The following PUM1 variants were observed in gnomAD, a reference collection of about 807,000 sequenced individuals.
The protein encoded by PUM1 is pumilio RNA binding family member 1.
PUM1 carries 13 observed loss-of-function variants against 131.8 expected under a neutral mutation model. That is an observed-to-expected ratio of 0.10 (90% CI 0.06 to 0.16). The LOEUF (loss-of-function observed/expected upper bound fraction) is 0.16. Ranked by LOEUF, PUM1 falls within the 10% of genes least tolerant of loss-of-function variation. PUM1 has a pLI of 1.00. For missense variants in PUM1, 961 were observed against 1,512.4 expected (o/e 0.64, Z 6.05); for synonymous variants, 509 against 556.5 (o/e 0.91, Z 1.20).
At chr1:31,053,303 A>G (rs2124592967) in intron 2 of PUM1, among the ~76,000 whole-genome samples, 1 of 149,864 alleles carries the variant, frequency 6.7e-6, no homozygotes, top group Middle Eastern at 3.4e-3. Flanking sequence ...CCCAGTCCAC[A>G]TTATCTTAAT....
intron 14 of PUM1, among the ~76,000 whole-genome samples, chr1:30,957,477 T>C (rs571522632): frequency 2.0e-5 from 3 of 152,226 alleles, no homozygotes; most frequent in Non-Finnish European, 4.4e-5. Flanking sequence ...TGCAACACTC[T>C]GGAAGTGTTT....
chr1:31,021,881 T>C (rs1442289539), intron 3 of PUM1, among the ~76,000 whole-genome samples: 2 of 152,116 alleles, frequency 1.3e-5, no homozygotes, highest in East Asian at 1.9e-4. Flanking sequence ...ATTTGAGTTA[T>C]AAGAGATCTG....
At chr1:31,034,233 C>T (rs534275938) in intron 2 of PUM1, among the ~76,000 whole-genome samples, 1 of 152,244 alleles carries the variant, frequency 6.6e-6, no homozygotes, top group Admixed American at 6.5e-5. Context: ...TTACAATGAA[C>T]GTCCCTTTAC....
In PUM1 at chr1:30,952,224, A is replaced by G; in HGVS notation, c.2721+10T>C. ...TCTTAAGTCAAAGGATAGAAAGAAC[A>G]AAGGCTTACTTCAAAGAACTTCTGA... On this transcript the variant is annotated intron_variant, in intron 16 of 21. Coordinates refer to ENST00000426105, the MANE Select transcript of PUM1 (RefSeq NM_001020658.2). 1 of 1,613,408 alleles carries G rather than the reference A, an allele frequency of 6.2e-7. No individual in the cohort carries two copies.
intron 9 of PUM1, among the ~76,000 whole-genome samples, chr1:30,978,831 G>A (rs1641243797): frequency 6.6e-6 from 1 of 152,150 alleles, no homozygotes; most frequent in Non-Finnish European, 1.5e-5. Flanking sequence ...GGGCACAGTG[G>A]CTCATGCCTG....
At chr1:31,033,611 C>G (rs1643512116) in intron 2 of PUM1, among the ~76,000 whole-genome samples, 1 of 152,088 alleles carries the variant, frequency 6.6e-6, no homozygotes, top group South Asian at 2.1e-4. Flanking sequence ...AGTGATCCAT[C>G]CAGCATGGCC....
intron 14 of PUM1, among the ~76,000 whole-genome samples, chr1:30,958,251 C>T (rs1236349733): frequency 6.6e-6 from 1 of 152,092 alleles, no homozygotes; most frequent in Non-Finnish European, 1.5e-5. Flanking sequence ...ACTTCTATCA[C>T]AATAATAAAA....
At chr1:30,962,465 C>T (rs578218345) in intron 14 of PUM1, among the ~76,000 whole-genome samples, 10 of 152,172 alleles carry the variant, frequency 6.6e-5, no homozygotes, top group East Asian at 1.9e-4. Flanking sequence ...CAGGCTGGAG[C>T]GCAGTGGCAC....
chr1:30,951,720 T>A (rs1639943048), intron 16 of PUM1, among the ~76,000 whole-genome samples: 1 of 152,176 alleles, frequency 6.6e-6, no homozygotes, highest in South Asian at 2.1e-4. Flanking sequence ...AAGTGAACAT[T>A]ATTCAAATTA....
intron 3 of PUM1, among the ~76,000 whole-genome samples, chr1:31,027,088 T>C (rs1358988401): frequency 1.3e-5 from 2 of 152,206 alleles, no homozygotes; most frequent in South Asian, 2.1e-4. Flanking sequence ...TCAGTGATTA[T>C]AAACTGTTGC....
At chr1:31,004,315 C>T (rs1642322274) in intron 5 of PUM1, among the ~76,000 whole-genome samples, 1 of 152,270 alleles carries the variant, frequency 6.6e-6, no homozygotes, top group Non-Finnish European at 1.5e-5. Flanking sequence ...CTGGTTAGTG[C>T]CCAAGAATTA....
intron 20 of PUM1, among the ~76,000 whole-genome samples, chr1:30,937,891 C>A (rs1570075916): frequency 1.3e-5 from 2 of 152,034 alleles, no homozygotes; most frequent in Non-Finnish European, 2.9e-5. Flanking sequence ...CCTGCCTCAG[C>A]CTCCCGAGCA....
In PUM1 at chr1:30,953,999, G is replaced by A. The variant is rs768655313; in HGVS notation, c.2324-18C>T. 21 of 1,609,380 alleles carry A rather than the reference G, an allele frequency of 1.3e-5. No homozygotes were observed. The highest frequency in any genetic ancestry group is 1.6e-5 in the Non-Finnish European group (19 of 1,176,740). ...GAGTCCTCCTGTTGGTTACAGAACA[G>A]GATAACTTAAGACCACTCTTCAGCA... On this transcript the variant is annotated intron_variant, in intron 14 of 21. Coordinates refer to ENST00000426105, the MANE Select transcript of PUM1 (RefSeq NM_001020658.2).
chr1:30,960,053 G>C (rs1475329870), intron 14 of PUM1, among the ~76,000 whole-genome samples: 2 of 152,100 alleles, frequency 1.3e-5, no homozygotes. Context: ...ATGCTTAATG[G>C]TAAAAGACAA....
At chr1:30,954,299 C>T (rs1640062938) in intron 14 of PUM1, among the ~76,000 whole-genome samples, 1 of 152,146 alleles carries the variant, frequency 6.6e-6, no homozygotes, top group African/African-American at 2.4e-5. Context: ...GAACCTAGCA[C>T]CTGAGCACCA....
At chr1:31,039,483 A>G (rs1643749446) in intron 2 of PUM1, among the ~76,000 whole-genome samples, 1 of 152,112 alleles carries the variant, frequency 6.6e-6, no homozygotes, top group Non-Finnish European at 1.5e-5. Flanking sequence ...TCAGCCTTCC[A>G]AAGTGCTGGG....
chr1:31,063,273 C>T (rs540568210), intron 1 of PUM1, among the ~76,000 whole-genome samples: 2 of 152,238 alleles, frequency 1.3e-5, no homozygotes, highest in East Asian at 3.9e-4. Flanking sequence ...AATCCTTCCT[C>T]TATGACTCTC....
At chr1:30,979,581 C>T (rs1176294719) in intron 9 of PUM1, among the ~76,000 whole-genome samples, 1 of 151,568 alleles carries the variant, frequency 6.6e-6, no homozygotes, top group Non-Finnish European at 1.5e-5. Context: ...TGTAGTATGA[C>T]ATACTAGGGT....
In PUM1 at chr1:30,981,019, G is replaced by A. The variant is rs374107343; in HGVS notation, c.1252+293C>T. 5.9e-5 allele frequency among the ~76,000 whole-genome samples: 9 copies of A among 152,250 alleles called. No individual in the cohort carries two copies. In the South Asian group the frequency reaches 8.3e-4, roughly 14 times the overall value. ...TAATCAATGTCATCCAAATCTTACCGAAAGAGCTAATGGTAGTCACCAGTC... is the reference window on the plus strand; with the variant it reads ...TAATCAATGTCATCCAAATCTTACCAAAAGAGCTAATGGTAGTCACCAGTC... On this transcript the variant is annotated intron_variant, in intron 8 of 21. Transcript: ENST00000426105.
Sources: gnomAD v4.1 joint callset for allele counts (sites outside exome capture counted in the v4.1 genomes callset) on GRCh38, gnomAD v4.1.1 for gene constraint, MANE v1.5 for transcripts, NCBI Gene and HGNC (gene_info 2026-07-23, HGNC 2026-07-21) for gene names.